SLC43A2: variants seen among roughly 807,000 people sequenced by gnomAD.
SLC43A2 encodes solute carrier family 43 member 2.
Under a neutral mutation model 63.2 loss-of-function variants are expected in SLC43A2, and 38 were observed. That is an observed-to-expected ratio of 0.60 (90% CI 0.46 to 0.79). The LOEUF (loss-of-function observed/expected upper bound fraction) is 0.79. Ranked by LOEUF, SLC43A2 falls within the 30% of genes least tolerant of loss-of-function variation. SLC43A2 has a pLI of 0.00. For synonymous variants in SLC43A2, 322 were observed against 331.0 expected, an observed-to-expected ratio of 0.97 and a Z score of 0.30; for missense variants, 644 against 756.2, an observed-to-expected ratio of 0.85 and a Z score of 1.74.
chr17:1,613,195 T>C lies in SLC43A2; in HGVS notation c.501A>G (p.Thr167=), dbSNP rs2151072115. ...GGMCMTFTSL[T]LPNMFGDLRS... The stretch of plus-strand genomic sequence containing the variant: ...AGAGCTTTAAAAAATCTGTACTCAC[T>C]GTTAATGAGGTGAAGGTCATACACA... The change falls in exon 5 of 14, where the codon ACA becomes ACG. Residue 167 remains threonine (T), a splice_region_variant and synonymous_variant. Transcript: ENST00000301335. 1 of 1,613,040 alleles carries C rather than the reference T, an allele frequency of 6.2e-7. No homozygotes were observed. The highest frequency in any genetic ancestry group is 8.5e-7 in the Non-Finnish European group (1 of 1,179,146).
intron 9 of SLC43A2, chr17:1,586,928 T>TCGCCCCCCCCC: frequency 1.6e-6 from 2 of 1,232,914 alleles, no homozygotes; most frequent in Non-Finnish European, 2.2e-6. Flanking sequence ...TCCCTGACAA[T>TCGCCCCCCCCC]CCCCCCCACC....
intron 5 of SLC43A2, among the ~76,000 whole-genome samples, chr17:1,599,767 A>G (rs1327556619): frequency 3.3e-5 from 5 of 151,512 alleles, no homozygotes; most frequent in Non-Finnish European, 7.4e-5. Flanking sequence ...TTATTTGGCC[A>G]GGCGCGGTGG....
intron 11 of SLC43A2, among the ~76,000 whole-genome samples, chr17:1,581,487 A>G (rs2076013133): frequency 1.3e-5 from 2 of 152,224 alleles, no homozygotes; most frequent in Non-Finnish European, 2.9e-5. Context: ...GTTGGCACGT[A>G]CACACAACAG....
intron 9 of SLC43A2, among the ~76,000 whole-genome samples, chr17:1,588,214 C>T (rs556409479): frequency 3.0e-4 from 45 of 151,326 alleles, no homozygotes; most frequent in Middle Eastern, 6.9e-3. Flanking sequence ...GGTGAAACTC[C>T]GTCTCTACTA....
intron 3 of SLC43A2, among the ~76,000 whole-genome samples, 200 bp from the exon 4 acceptor site, chr17:1,615,234 A>C (rs1366244348): frequency 6.6e-6 from 1 of 151,742 alleles, no homozygotes; most frequent in Admixed American, 6.6e-5. Context: ...CAGCCTCCCA[A>C]GTAGCTGGGA....
rs1163796337 is a variant in SLC43A2, at chr17:1,601,247, T to G, written c.502-7968A>C. ...CTGTTCCACACGCTAATTTCAGGCTTGCGGACCATCAGCAAACTGCAATGA... is the reference window on the plus strand; with the variant it reads ...CTGTTCCACACGCTAATTTCAGGCTGGCGGACCATCAGCAAACTGCAATGA... On this transcript the variant is annotated intron_variant, in intron 5 of 13. Transcript: ENST00000301335. Among the ~76,000 whole-genome samples the G allele has an allele frequency of 2.0e-5, 3 of 152,044 alleles. 1 individual carries two copies. The highest frequency in any genetic ancestry group is 7.3e-5 in the African/African-American group (3 of 41,344).
At chr17:1,614,053 T>C (rs1907368394) in intron 4 of SLC43A2, among the ~76,000 whole-genome samples, 2 of 152,018 alleles carry the variant, frequency 1.3e-5, no homozygotes, top group South Asian at 4.2e-4. Context: ...ACCATCCTGG[T>C]TAACACAGTG....
intron 5 of SLC43A2, among the ~76,000 whole-genome samples, chr17:1,608,826 G>A (rs1439200753): frequency 1.3e-5 from 2 of 152,122 alleles, no homozygotes; most frequent in Non-Finnish European, 2.9e-5. Flanking sequence ...GGGTGTGCAC[G>A]GCTCTCCTGA....
intron 2 of SLC43A2, among the ~76,000 whole-genome samples, chr17:1,627,200 A>G (rs375935007): frequency 1.3e-5 from 2 of 152,230 alleles, no homozygotes; most frequent in African/African-American, 4.8e-5. Flanking sequence ...ATAGACAAGA[A>G]ATTGTGTCCA....
chr17:1,619,965 A>T (rs560600819), intron 2 of SLC43A2, among the ~76,000 whole-genome samples: 15 of 152,322 alleles, frequency 9.8e-5, no homozygotes, highest in African/African-American at 3.6e-4. Context: ...TGGGTGAGGC[A>T]GCACTGCCTG....
chr17:1,583,612 C>T lies in SLC43A2; in HGVS notation c.1218-276G>A, dbSNP rs968906223. 2.4e-5 allele frequency: 9 copies of T among 374,250 alleles called. No individual in the cohort carries two copies. Among genetic ancestry groups the T allele is most frequent in the East Asian group, 1.7e-4 (4 of 23,558 alleles). The allele number at this position is 374,250 out of a possible 1,614,324, so 23.2% of individuals were successfully genotyped here. ...GTGCTCTGTGAAGGCTGAGCTAAGA[C>T]GACGGGGAGAGAAGTAGCAGCGTGT... On this transcript the variant is annotated intron_variant, in intron 10 of 13. Transcript: ENST00000301335. This position sits in a 1 kb window ranked among gnomAD's most constrained non-coding sequence, Gnocchi z 5.5.
Position 1,591,719 on chromosome 17 carries a change from CGGGGTGG to C in SLC43A2, c.595-27_595-21del. 3 of 118,032 alleles carry C rather than the reference CGGGGTGG, an allele frequency of 2.5e-5. No homozygotes were observed. The highest frequency in any genetic ancestry group is 5.4e-5 in the Non-Finnish European group (3 of 55,410). The allele number at this position is 118,032 out of a possible 1,614,324, so 7.3% of individuals were successfully genotyped here. On this transcript the variant is annotated intron_variant, in intron 6 of 13. Coordinates refer to ENST00000301335, the MANE Select transcript of SLC43A2 (RefSeq NM_152346.3). ...GATGAGCTGACAGGCACCGCGGGGA[CGGGGTGG>C]GGGGGGGAGGGGGCAGAGTTAGCCC...
At chr17:1,601,200 A>G (rs183590125) in intron 5 of SLC43A2, among the ~76,000 whole-genome samples, 78 of 152,202 alleles carry the variant, frequency 5.1e-4, no homozygotes, top group African/African-American at 1.8e-3. Flanking sequence ...CTGAGCTGGC[A>G]CTAGACTGCT....
chr17:1,596,705 G>A (rs570922276), intron 5 of SLC43A2, among the ~76,000 whole-genome samples: 6 of 151,696 alleles, frequency 4.0e-5, no homozygotes, highest in Non-Finnish European at 7.4e-5. Flanking sequence ...TCAGCCTCCC[G>A]AGCGGCACCT....
chr17:1,608,400 G>T (rs1020597230), intron 5 of SLC43A2, among the ~76,000 whole-genome samples: 10 of 147,020 alleles, frequency 6.8e-5, no homozygotes, highest in South Asian at 4.3e-4. Flanking sequence ...TGTGTGTTTT[G>T]TTTTTTTTTT....
In SLC43A2 at chr17:1,599,297, G is replaced by A. The variant is rs192305589; in HGVS notation, c.502-6018C>T. Among the ~76,000 whole-genome samples the A allele has an allele frequency of 1.1e-3, 164 of 152,096 alleles. 1 individual carries two copies. Among genetic ancestry groups the A allele is most frequent in the Non-Finnish European group, 2.1e-3 (141 of 67,978 alleles). On this transcript the variant is annotated intron_variant, in intron 5 of 13. Transcript: ENST00000301335. ...AGAGGTTGCAATGAGCCAAGATCAT[G>A]CCACTGCACTCCAGCCTGGCGACAG...
intron 11 of SLC43A2, among the ~76,000 whole-genome samples, chr17:1,581,111 G>T (rs1025009197): frequency 2.6e-5 from 4 of 151,920 alleles, no homozygotes; most frequent in African/African-American, 9.7e-5. Flanking sequence ...CTGCCATCCC[G>T]CTCAGCAGCC....
At chr17:1,581,349 G>C (rs2076010900) in intron 11 of SLC43A2, among the ~76,000 whole-genome samples, 1 of 152,246 alleles carries the variant, frequency 6.6e-6, no homozygotes, top group Admixed American at 6.5e-5. Context: ...TGGACAAGGC[G>C]GTTAGGGCAA....
Position 1,596,543 on chromosome 17 carries a change from T to C in SLC43A2, c.502-3264A>G, listed in dbSNP as rs533576694. 1.3e-4 allele frequency among the ~76,000 whole-genome samples: 20 copies of C among 152,124 alleles called. 1 individual carries two copies. In the South Asian group the frequency reaches 4.1e-3, roughly 32 times the overall value. ...TATTCAAAAAACAAAAAATAGAACA[T>C]ATAAAGAACCCCTACATCTCAATAA... On this transcript the variant is annotated intron_variant, in intron 5 of 13. Transcript: ENST00000301335.
Sources: gnomAD v4.1 joint callset for allele counts (sites outside exome capture counted in the v4.1 genomes callset) on GRCh38, gnomAD v4.1.1 for gene constraint, Gnocchi (gnomAD v3.1) non-coding constraint, MANE v1.5 for transcripts, NCBI Gene and HGNC (gene_info 2026-07-23, HGNC 2026-07-21) for gene names.